ATP11A: variants seen among roughly 807,000 people sequenced by gnomAD.
The protein encoded by ATP11A is phospholipid-transporting ATPase IH.
ATP11A carries 81 observed loss-of-function variants against 154.4 expected under a neutral mutation model. That is an observed-to-expected ratio of 0.52 (90% CI 0.44 to 0.63). ATP11A has a LOEUF of 0.63. ATP11A is among the 30% of genes least tolerant of loss of function. The pLI, the probability that ATP11A is intolerant of heterozygous loss-of-function variation, is 0.00. For missense variants in ATP11A, 1,316 were observed against 1,474.3 expected (o/e 0.89, Z 1.76); for synonymous variants, 623 against 585.9 (o/e 1.06, Z -0.91).
At chr13:112,776,581 A>G (rs1449071716) in intron 1 of ATP11A, among the ~76,000 whole-genome samples, 1 of 152,124 alleles carries the variant, frequency 6.6e-6, no homozygotes, top group Non-Finnish European at 1.5e-5. Flanking sequence ...GTAGGAAGTG[A>G]TAGTAAATTC....
chr13:112,819,890 C>T lies in ATP11A; in HGVS notation c.675-10C>T. ...GCGTCCGGTCAGTAACGTGGCTTTT[C>T]TGTCGCCAGGTTCGTGGGTCGCATC... On this transcript the variant is annotated splice_polypyrimidine_tract_variant and intron_variant, in intron 7 of 29. Transcript: ENST00000375645. The T allele has an allele frequency of 6.2e-7, 1 of 1,614,142 alleles. No homozygotes were observed. Among genetic ancestry groups the T allele is most frequent in the Non-Finnish European group, 8.5e-7 (1 of 1,180,022 alleles).
At chr13:112,816,044 G>A in intron 5 of ATP11A, 39 bp from the exon 6 acceptor site, 2 of 1,612,080 alleles carry the variant, frequency 1.2e-6, no homozygotes, top group South Asian at 2.2e-5. Context: ...TTTCACGGAG[G>A]GGCTTTCCAT....
chr13:112,744,568 G>A lies in ATP11A; in HGVS notation c.40-40567G>A, dbSNP rs1288000498. Among the ~76,000 whole-genome samples, 6 of 152,172 alleles carry A rather than the reference G, an allele frequency of 3.9e-5. No homozygotes were observed. In the East Asian group the frequency reaches 5.8e-4, roughly 15 times the overall value. On this transcript the variant is annotated intron_variant, in intron 1 of 29. Coordinates refer to ENST00000375645, the MANE Select transcript of ATP11A (RefSeq NM_015205.3). ...GTTAGCTGCTGGTGCCTCCCTCCCCGGCCCTCTGCTCACCACCTGCCCTCA... is the reference window on the plus strand; with the variant it reads ...GTTAGCTGCTGGTGCCTCCCTCCCCAGCCCTCTGCTCACCACCTGCCCTCA...
At chr13:112,833,525 CA>C (rs1457955696) in intron 14 of ATP11A, among the ~76,000 whole-genome samples, 3 of 152,158 alleles carry the variant, frequency 2.0e-5, no homozygotes, top group African/African-American at 7.2e-5. Context: ...AATTTCAACT[CA>C]GGGGAGCCAT....
intron 1 of ATP11A, among the ~76,000 whole-genome samples, chr13:112,691,484 GTGT>G (rs1337451978): frequency 1.1e-4 from 4 of 34,860 alleles, no homozygotes; most frequent in African/African-American, 4.1e-4. Flanking sequence ...AAAAAAAAGG[GTGT>G]GTGTGTGTGT....
At position 112,884,689 on chromosome 13, in the gene ATP11A, T is replaced by G. The variant is rs2080945440; in HGVS notation, c.*2823T>G. On this transcript the variant is annotated 3_prime_UTR_variant, in exon 30 of 30. Transcript: ENST00000375645. ...TCTTATTTGTTGCTGCACAGGTTAA[T>G]AAATTATCAATTTGTAATTCAGCAT... The G allele has an allele frequency of 6.6e-6, 1 of 152,378 alleles. No homozygotes were observed. The highest frequency in any genetic ancestry group is 1.5e-5 in the Non-Finnish European group (1 of 68,094). The allele number at this position is 152,378 out of a possible 1,614,324, so 9.4% of individuals were successfully genotyped here.
chr13:112,714,894 G>C (rs1157601750), intron 1 of ATP11A, among the ~76,000 whole-genome samples: 1 of 152,122 alleles, frequency 6.6e-6, no homozygotes, highest in African/African-American at 2.4e-5. Flanking sequence ...CAGAACTTCC[G>C]CTTCTTCCCA....
chr13:112,736,422 C>A (rs1003692153), intron 1 of ATP11A, among the ~76,000 whole-genome samples: 1 of 152,152 alleles, frequency 6.6e-6, no homozygotes. Flanking sequence ...CTGGGGTGGC[C>A]TGGAGCTTTC....
intron 29 of ATP11A, among the ~76,000 whole-genome samples, chr13:112,879,182 G>C (rs2080815248): frequency 6.6e-6 from 1 of 152,186 alleles, no homozygotes; most frequent in Non-Finnish European, 1.5e-5. Flanking sequence ...ATGCATACTT[G>C]GTATTACTGT....
intron 1 of ATP11A, among the ~76,000 whole-genome samples, chr13:112,783,322 G>A (rs1157117746): frequency 6.6e-6 from 1 of 152,190 alleles, no homozygotes; most frequent in Non-Finnish European, 1.5e-5. Context: ...GTTCCCTGAA[G>A]CACCGAGGGG....
At chr13:112,698,472 T>C (rs1396648865) in intron 1 of ATP11A, among the ~76,000 whole-genome samples, 1 of 152,148 alleles carries the variant, frequency 6.6e-6, no homozygotes, top group Non-Finnish European at 1.5e-5. Context: ...ACAGCTGTAA[T>C]TGCAGCAGAG....
intron 8 of ATP11A, among the ~76,000 whole-genome samples, chr13:112,822,899 C>G (rs955578275): frequency 6.6e-6 from 1 of 152,186 alleles, no homozygotes; most frequent in African/African-American, 2.4e-5. Context: ...GGGCCCCACC[C>G]CAGGGTTTCA....
At chr13:112,782,695 C>T (rs1242192619) in intron 1 of ATP11A, among the ~76,000 whole-genome samples, 1 of 152,148 alleles carries the variant, frequency 6.6e-6, no homozygotes, top group Admixed American at 6.5e-5. Context: ...GAGGAGGGCC[C>T]GTCCTCGTGG....
rs1282676169 is a variant in ATP11A at position 112,826,679 on chromosome 13, C to T, written c.1024-15C>T. On this transcript the variant is annotated splice_polypyrimidine_tract_variant and intron_variant, in intron 11 of 29. Transcript: ENST00000375645. ...TCCTGGTGGAGGTGCTGACCCGCACCTTCTGCTCTTGCAGTTCCTCAAGGC... is the reference window on the plus strand; with the variant it reads ...TCCTGGTGGAGGTGCTGACCCGCACTTTCTGCTCTTGCAGTTCCTCAAGGC... 1 of 1,613,436 alleles carries T rather than the reference C, an allele frequency of 6.2e-7. No individual in the cohort carries two copies. The highest frequency in any genetic ancestry group is 1.7e-5 in the Admixed American group (1 of 60,002).
At chr13:112,848,697 T>C (rs1269074293) in intron 17 of ATP11A, among the ~76,000 whole-genome samples, 1 of 152,096 alleles carries the variant, frequency 6.6e-6, no homozygotes. Flanking sequence ...TTTTCTTTTC[T>C]TTTTTTTGAG....
Position 112,881,971 on chromosome 13 carries a change from G to A in ATP11A, c.*105G>A, listed in dbSNP as rs9603797. ...CGGCCTGGAAGGAGAAGGTGTCCACGGAGCCCCCACCCATCCTCGGCGGTT... is the reference window on the plus strand; with the variant it reads ...CGGCCTGGAAGGAGAAGGTGTCCACAGAGCCCCCACCCATCCTCGGCGGTT... On this transcript the variant is annotated 3_prime_UTR_variant, in exon 30 of 30. Transcript: ENST00000375645. 2,217 of 1,367,730 alleles carry A rather than the reference G, an allele frequency of 1.6e-3. 33 individuals carry two copies. In the African/African-American group the frequency reaches 0.03, roughly 19 times the overall value. The allele number at this position is 1,367,730 out of a possible 1,614,324, so 84.7% of individuals were successfully genotyped here.
At chr13:112,810,545 C>T (rs2078461346) in intron 4 of ATP11A, 74 bp from the exon 5 acceptor site, 1 of 1,251,470 alleles carries the variant, frequency 8.0e-7, no homozygotes, top group African/African-American at 1.5e-5. Context: ...CACAAGCCTT[C>T]TGTCTCTCCC....
In ATP11A at chr13:112,832,766, C is replaced by A. The variant is rs546365476; in HGVS notation, c.1396-94C>A. ...GCCTTCGTGGCCGCGGGGACCCCCC[C>A]CACCCCGCTTCTTGTTATCTCTCTG... On this transcript the variant is annotated intron_variant, in intron 13 of 29. Transcript: ENST00000375645. 5 of 1,488,978 alleles carry A rather than the reference C, an allele frequency of 3.4e-6. No individual in the cohort carries two copies. In the South Asian group the frequency reaches 5.1e-5, roughly 15 times the overall value. 92.2% of individuals were successfully genotyped at this position (1,488,978 alleles called of 1,614,324 possible). A position where few individuals can be genotyped will look rare whatever the true frequency, so the allele number is the denominator to read the frequency against.
rs959277371 is a variant in ATP11A at position 112,754,690 on chromosome 13, C to T, written c.40-30445C>T. 6.6e-6 allele frequency: 1 copy of T among 152,526 alleles called. No individual in the cohort carries two copies. Among genetic ancestry groups the T allele is most frequent in the East Asian group, 1.9e-4 (1 of 5,198 alleles). The allele number at this position is 152,526 out of a possible 1,614,324, so 9.4% of individuals were successfully genotyped here. A position where few individuals can be genotyped will look rare whatever the true frequency, so the allele number is the denominator to read the frequency against. On this transcript the variant is annotated intron_variant, in intron 1 of 29. Transcript: ENST00000375645. The surrounding 1 kb of genome is among the most constrained non-coding windows in gnomAD (Gnocchi z 5.3). ...CTCCACTCACAGGTGGACCCATCGC[C>T]TCCAAAGCCTGTGGGTCTCATTGGC...
Sources: gnomAD v4.1 joint callset for allele counts (sites outside exome capture counted in the v4.1 genomes callset) on GRCh38, gnomAD v4.1.1 for gene constraint, Gnocchi (gnomAD v3.1) non-coding constraint, MANE v1.5 for transcripts, NCBI Gene and HGNC (gene_info 2026-07-23, HGNC 2026-07-21) for gene names.